CHD8: variants seen among roughly 807,000 people sequenced by gnomAD.
The protein encoded by CHD8 is chromodomain helicase DNA binding protein 8.
Under a neutral mutation model 279.2 loss-of-function variants are expected in CHD8, and 31 were observed. That is an observed-to-expected ratio of 0.11 (90% CI 0.08 to 0.15). The LOEUF (loss-of-function observed/expected upper bound fraction) is 0.15, where lower values mean the gene tolerates loss of function less well. Ranked by LOEUF, CHD8 falls within the 10% of genes least tolerant of loss-of-function variation. The pLI, the probability that CHD8 is intolerant of heterozygous loss-of-function variation, is 1.00. For synonymous variants in CHD8, 1,081 were observed against 1,139.6 expected, an observed-to-expected ratio of 0.95 and a Z score of 1.04; for missense variants, 2,146 against 3,230.5, an observed-to-expected ratio of 0.66 and a Z score of 8.14.
intron 5 of CHD8, chr14:21,425,235 G>A (rs61973183): frequency 0.086 from 13,137 of 152,080 alleles, 1,327 homozygotes; most frequent in African/African-American, 0.25. Context: ...TCAAGTTCTG[G>A]CCCAACCAGA....
chr14:21,412,639 T>C (rs1888552104), intron 10 of CHD8, among the ~76,000 whole-genome samples: 1 of 151,844 alleles, frequency 6.6e-6, no homozygotes, highest in Non-Finnish European at 1.5e-5. Flanking sequence ...ATGTCAAGAG[T>C]CTCCCATTTA....
At chr14:21,430,763 T>A (rs1462793643) in intron 2 of CHD8, 38 bp downstream of exon 2, 2 of 1,439,696 alleles carry the variant, frequency 1.4e-6, no homozygotes, top group Non-Finnish European at 1.9e-6. Context: ...GGGCCCTCTA[T>A]GAAACCAAAA....
chr14:21,407,249 C>T (rs528573040), intron 13 of CHD8, among the ~76,000 whole-genome samples: 4 of 152,232 alleles, frequency 2.6e-5, no homozygotes, highest in African/African-American at 9.6e-5. Flanking sequence ...GGGAAAATGA[C>T]AGACTCACTG....
At chr14:21,389,125 C>A (rs1462051322) in intron 37 of CHD8, among the ~76,000 whole-genome samples, 1 of 151,698 alleles carries the variant, frequency 6.6e-6, no homozygotes, top group Non-Finnish European at 1.5e-5. Context: ...CATGGTGAAA[C>A]CCCGTCTCTA....
intron 3 of CHD8, among the ~76,000 whole-genome samples, chr14:21,428,672 A>G (rs557003359): frequency 1.3e-5 from 2 of 152,244 alleles, no homozygotes; most frequent in South Asian, 2.1e-4. Flanking sequence ...CATTTAAAGG[A>G]TATCACAAAT....
intron 1 of CHD8, among the ~76,000 whole-genome samples, chr14:21,437,625 G>A (rs1245366429): frequency 2.0e-5 from 3 of 152,078 alleles, no homozygotes; most frequent in Non-Finnish European, 2.9e-5. Flanking sequence ...CTGAATCCCC[G>A]GCCTTCTAGC....
chr14:21,437,952 C>A (rs1889854394), intron 1 of CHD8, among the ~76,000 whole-genome samples: 1 of 152,190 alleles, frequency 6.6e-6, no homozygotes, highest in Non-Finnish European at 1.5e-5. Flanking sequence ...GCCCATTTGA[C>A]CTTTTAATCA....
chr14:21,402,103 G>A lies in CHD8; in HGVS notation c.3916C>T (p.Leu1306Phe), dbSNP rs762650786. 6.2e-7 allele frequency: 1 copy of A among 1,610,094 alleles called. No individual in the cohort carries two copies. Among genetic ancestry groups the A allele is most frequent in the Admixed American group, 1.7e-5 (1 of 58,800 alleles). ...GCTGCATATGCTCCTTTTCTTAAAAGATCTTCAATCTCCTTCTTAGAGAAC... is the reference window on the plus strand; with the variant it reads ...GCTGCATATGCTCCTTTTCTTAAAAAATCTTCAATCTCCTTCTTAGAGAAC... ...QQFSKKEIEDLLRKGAYAAIM... is the reference protein window; with the variant it reads ...QQFSKKEIEDFLRKGAYAAIM... Residue 1306 changes from leucine to phenylalanine, a missense_variant, in exon 20 of 38, where the codon CTT (leucine) becomes TTT (phenylalanine). Physicochemically the swap from Leu to Phe is conservative, Grantham distance 22. Around this residue, in one of 26 missense-constraint regions of CHD8, gnomAD observed 35 missense variants for 82.4 expected, o/e 0.42. Coordinates refer to ENST00000646647, the MANE Select transcript of CHD8 (RefSeq NM_001170629.2). This position sits in a 1 kb window ranked among gnomAD's most constrained non-coding sequence, Gnocchi z 4.5.
intron 37 of CHD8, among the ~76,000 whole-genome samples, chr14:21,386,697 C>T (rs1566405012): frequency 6.6e-6 from 1 of 152,046 alleles, no homozygotes; most frequent in Non-Finnish European, 1.5e-5. Context: ...ATTAGCTGGG[C>T]AAGGTGGCGG....
chr14:21,449,209 G>A (rs1890201588), intron 1 of CHD8, among the ~76,000 whole-genome samples: 1 of 151,980 alleles, frequency 6.6e-6, no homozygotes, highest in African/African-American at 2.4e-5. Context: ...AAGGAGGTTG[G>A]CTGGATAATA....
intron 27 of CHD8, 83 bp downstream of exon 27, chr14:21,397,740 A>G: frequency 7.2e-7 from 1 of 1,397,416 alleles, no homozygotes; most frequent in Non-Finnish European, 9.9e-7. Flanking sequence ...AATTACAATT[A>G]AGAATCCCAT....
At chr14:21,437,016 A>T in intron 1 of CHD8, 22 of 1,117,494 alleles carry the variant, frequency 2.0e-5, no homozygotes, top group Non-Finnish European at 2.4e-5. Flanking sequence ...GTAAGGAGCT[A>T]GCGGGGGTGC....
At position 21,431,313 on chromosome 14, in the gene CHD8, G is replaced by C; in HGVS notation, c.331C>G (p.Gln111Glu). Residue 111 changes from glutamine to glutamate, a missense_variant, in exon 2 of 38, where the codon CAG becomes GAG. Around this residue, in one of 26 missense-constraint regions of CHD8, gnomAD observed 302 missense variants for 325.5 expected, o/e 0.93. Coordinates refer to ENST00000646647, the MANE Select transcript of CHD8 (RefSeq NM_001170629.2). ...AGTCCTGATGTTGGCGTCGATGTCT[G>C]TAAGACAGGTTGGGCTGGCTGCTCC... is the stretch of plus-strand genomic sequence containing the variant. ...SQEQPAQPVL[Q>E]TSTPTSGLLQ... 6.4e-7 allele frequency: 1 copy of C among 1,550,618 alleles called. No homozygotes were observed. The highest frequency in any genetic ancestry group is 8.7e-7 in the Non-Finnish European group (1 of 1,154,730).
At chr14:21,414,827 C>T in intron 8 of CHD8, 111 bp downstream of exon 8, 2 of 761,706 alleles carry the variant, frequency 2.6e-6, no homozygotes, top group Non-Finnish European at 4.5e-6. Flanking sequence ...AAACAGCAAC[C>T]TGGGCTACAA....
At position 21,391,483 on chromosome 14, in the gene CHD8, C is replaced by G. The variant is rs754271832; in HGVS notation, c.7045G>C (p.Val2349Leu). The stretch of plus-strand genomic sequence containing the variant: ...CTCACCGCTAGAAATCGGGGATCAA[C>G]AGCAAACTCTGGATGACCCTGTAAC... ...MWLQGHPEFAVDPRFLAYMED... is the reference protein window; with the variant it reads ...MWLQGHPEFALDPRFLAYMED... The change falls in exon 36 of 38, where the codon GTT becomes CTT. Residue 2349 changes from valine to leucine, a missense_variant. Physicochemically the swap from Val to Leu is conservative, Grantham distance 32. Transcript: ENST00000646647. The G allele has an allele frequency of 2.5e-6, 4 of 1,613,754 alleles. No individual in the cohort carries two copies. The highest frequency in any genetic ancestry group is 2.2e-5 in the South Asian group (2 of 91,062).
chr14:21,392,997 C>A, intron 33 of CHD8, 109 bp downstream of exon 33: 4 of 1,305,376 alleles, frequency 3.1e-6, no homozygotes, highest in South Asian at 3.1e-5. Flanking sequence ...AAACTTGCAG[C>A]AATAAACACA....
chr14:21,414,968 G>C lies in CHD8; in HGVS notation c.1994C>G (p.Ala665Gly), dbSNP rs947851919. ...CTTGTACTTGACAAAGAATTCTTCT[G>C]CTTCAGTATATTGTCCAGAAGGGAG... ...KELPSGQYTE[A>G]EEFFVKYKNY... The change falls in exon 8 of 38, where the codon GCA (alanine) becomes GGA (glycine). Residue 665 changes from alanine (A) to glycine (G), a missense_variant. Coordinates refer to ENST00000646647, the MANE Select transcript of CHD8 (RefSeq NM_001170629.2). The C allele has an allele frequency of 1.3e-6, 2 of 1,599,730 alleles. No individual in the cohort carries two copies. The highest frequency in any genetic ancestry group is 1.7e-6 in the Non-Finnish European group (2 of 1,171,970).
intron 5 of CHD8, chr14:21,425,547 A>G (rs1039142935): frequency 3.3e-5 from 5 of 151,538 alleles, no homozygotes; most frequent in Admixed American, 3.3e-4. Context: ...CTGGTCTCCA[A>G]CTCCTGACCT....
chr14:21,399,894 C>A, intron 25 of CHD8, 87 bp downstream of exon 25: 1 of 1,207,094 alleles, frequency 8.3e-7, no homozygotes, highest in East Asian at 2.3e-5. Context: ...ATCAGGTATC[C>A]CAAAGATAGC....
Sources: gnomAD v4.1 joint callset for allele counts (sites outside exome capture counted in the v4.1 genomes callset) on GRCh38, gnomAD v4.1.1 for gene constraint, gnomAD v4.1.1 regional missense constraint, Gnocchi (gnomAD v3.1) non-coding constraint, MANE v1.5 for transcripts, NCBI Gene and HGNC (gene_info 2026-07-23, HGNC 2026-07-21) for gene names.